Variants in FBXO34 observed in about 807,000 individuals in gnomAD.
FBXO34 encodes F-box protein 34, also known as F-box only protein 34.
FBXO34 carries 12 observed loss-of-function variants against 24.5 expected under a neutral mutation model. The ratio of observed to expected loss-of-function variants is 0.49; its 90% confidence interval spans 0.31 to 0.79. FBXO34 has a LOEUF of 0.79. Ranked by LOEUF, FBXO34 falls within the 30% of genes least tolerant of loss-of-function variation. The pLI is 0.04. For synonymous variants in FBXO34, 320 were observed against 311.9 expected (o/e 1.03, Z -0.27); for missense variants, 823 against 857.7 (o/e 0.96, Z 0.51).
At chr14:55,349,868 A>G (rs1404064083) in intron 1 of FBXO34, among the ~76,000 whole-genome samples, 1 of 151,996 alleles carries the variant, frequency 6.6e-6, no homozygotes. Flanking sequence ...TGTCCTCCCA[A>G]AGTGCTGGGA....
intron 1 of FBXO34, among the ~76,000 whole-genome samples, chr14:55,290,399 A>T (rs565441942): frequency 7.5e-4 from 94 of 125,534 alleles, no homozygotes; most frequent in African/African-American, 2.6e-3. Flanking sequence ...TCAAAAAAAA[A>T]AAATAAATAA....
At chr14:55,378,118 A>G in the FBXO34 span, 1 of 1,538,280 alleles carries the variant, frequency 6.5e-7, no homozygotes, top group Non-Finnish European at 8.9e-7. Flanking sequence ...TTTTTTGAGG[A>G]AATTCTATGT....
At chr14:55,287,139 C>T (rs1881790320) in intron 1 of FBXO34, among the ~76,000 whole-genome samples, 1 of 152,154 alleles carries the variant, frequency 6.6e-6, no homozygotes, top group Non-Finnish European at 1.5e-5. Context: ...CTCCTGACCT[C>T]AGGTGATCCA....
rs1444922489 is a variant in FBXO34 at position 55,350,378 on chromosome 14, T to G, written c.-10-3T>G. 4.0e-6 allele frequency: 6 copies of G among 1,515,398 alleles called. No individual in the cohort carries two copies. The highest frequency in any genetic ancestry group is 5.3e-6 in the Non-Finnish European group (6 of 1,137,202). The allele number at this position is 1,515,398 out of a possible 1,614,324, so 93.9% of individuals were successfully genotyped here. A position where few individuals can be genotyped will look rare whatever the true frequency, so the allele number is the denominator to read the frequency against. ...GAATCAAATGTGTATTTCTTTCCTA[T>G]AGGGGCTTTGTTATGCACCTAAAGC... On this transcript the variant is annotated splice_polypyrimidine_tract_variant and splice_region_variant and intron_variant, in intron 1 of 1. Transcript: ENST00000313833.
intron 1 of FBXO34, among the ~76,000 whole-genome samples, chr14:55,323,763 C>T (rs1262133515): frequency 6.6e-6 from 1 of 152,110 alleles, no homozygotes; most frequent in Non-Finnish European, 1.5e-5. Context: ...TCTTGCATTT[C>T]CCATTTACTT....
the FBXO34 span, among the ~76,000 whole-genome samples, chr14:55,379,328 G>C: frequency 6.6e-6 from 1 of 151,884 alleles, no homozygotes; most frequent in African/African-American, 2.4e-5. Context: ...TTGAGCCCAG[G>C]AGTTCAAGAC....
chr14:55,391,153 G>A, the FBXO34 span: 1 of 547,550 alleles, frequency 1.8e-6, no homozygotes, highest in Non-Finnish European at 3.2e-6. Flanking sequence ...ACGAAAAAGA[G>A]AACGATGTTT....
downstream of FBXO34, chr14:55,366,566 G>A (rs1884683213): frequency 6.6e-6 from 1 of 152,438 alleles, no homozygotes; most frequent in Non-Finnish European, 1.5e-5. Context: ...CCCAAATTGA[G>A]TCCTTACATG....
downstream of FBXO34, among the ~76,000 whole-genome samples, chr14:55,357,777 CT>C (rs1333771838): frequency 6.6e-6 from 1 of 152,200 alleles, no homozygotes; most frequent in Non-Finnish European, 1.5e-5. Context: ...CATCACTGCA[CT>C]GCAGCTTGGG....
rs182931578 is a variant in FBXO34 at position 55,282,941 on chromosome 14, G to A, written c.-11+11404G>A. Among the ~76,000 whole-genome samples, 3 of 152,282 alleles carry A rather than the reference G, an allele frequency of 2.0e-5. No individual in the cohort carries two copies. The East Asian group carries it at 5.8e-4, about 29-fold the overall frequency. ...CTTTATTGTCCAGAAACCAGGAGAG[G>A]CAAACTTGTTTCCAAAGTAGGGCAA... is the stretch of plus-strand genomic sequence containing the variant. On this transcript the variant is annotated intron_variant, in intron 1 of 1. Transcript: ENST00000313833.
chr14:55,366,975 G>A (rs1481880679), intron 2 of FBXO34: 1 of 152,638 alleles, frequency 6.6e-6, no homozygotes, highest in African/African-American at 2.4e-5. Context: ...AAGCCAGTAT[G>A]TTGGTGTTCA....
intron 1 of FBXO34, among the ~76,000 whole-genome samples, chr14:55,284,241 C>T (rs576906940): frequency 6.6e-5 from 10 of 151,948 alleles, no homozygotes; most frequent in African/African-American, 1.9e-4. Context: ...GGGTTGGGTG[C>T]GGTGGCTCAC....
chr14:55,275,960 C>A (rs1881328712), intron 1 of FBXO34, among the ~76,000 whole-genome samples: 2 of 109,994 alleles, frequency 1.8e-5, no homozygotes, highest in African/African-American at 1.0e-4. Flanking sequence ...CCAAGACAGA[C>A]AAAGGGCCTA....
At chr14:55,405,913 C>G in the FBXO34 span, among the ~76,000 whole-genome samples, 1 of 150,312 alleles carries the variant, frequency 6.7e-6, no homozygotes, top group Non-Finnish European at 1.5e-5. Flanking sequence ...GAAGAAAAGG[C>G]AGATGTGAAA....
chr14:55,359,775 G>A (rs1884568834), intron 3 of FBXO34, among the ~76,000 whole-genome samples: 1 of 152,102 alleles, frequency 6.6e-6, no homozygotes, highest in Non-Finnish European at 1.5e-5. Flanking sequence ...TTTCAATGAT[G>A]TTTGTAGCAT....
At chr14:55,407,338 C>A in the FBXO34 span, among the ~76,000 whole-genome samples, 1 of 152,186 alleles carries the variant, frequency 6.6e-6, no homozygotes, top group Admixed American at 6.5e-5. Context: ...ACCATGTTGG[C>A]CAGGATGGTC....
the FBXO34 span, chr14:55,440,520 C>G: frequency 6.2e-7 from 1 of 1,609,708 alleles, no homozygotes; most frequent in East Asian, 2.2e-5. Context: ...CCTCGGAACC[C>G]GCTCCGGCCA....
downstream of FBXO34, among the ~76,000 whole-genome samples, chr14:55,363,910 A>G (rs928865442): frequency 2.6e-5 from 4 of 151,598 alleles, no homozygotes; most frequent in South Asian, 2.1e-4. Context: ...CCCATTTTCA[A>G]CACTTAACTA....
the FBXO34 span, among the ~76,000 whole-genome samples, chr14:55,390,323 G>A: frequency 6.6e-6 from 1 of 151,792 alleles, no homozygotes. Flanking sequence ...CACTCCCCTC[G>A]GCCTCCCAAA....
Sources: allele counts gnomAD v4.1 joint callset (sites outside exome capture counted in the v4.1 genomes callset), GRCh38; gene constraint gnomAD v4.1.1; transcripts MANE v1.5; gene names NCBI Gene and HGNC (gene_info 2026-07-23, HGNC 2026-07-21).